The following KCNAB1 variants were observed in gnomAD, a reference collection of about 807,000 sequenced individuals.
KCNAB1 encodes potassium voltage-gated channel subfamily A regulatory beta subunit 1, also known as voltage-gated potassium channel subunit beta-1.
In KCNAB1, 35 loss-of-function variants were observed where a neutral mutation model predicts 64.6. That is an observed-to-expected ratio of 0.54 (90% confidence interval 0.41 to 0.72). KCNAB1 has a LOEUF of 0.72. Among genes scored for constraint, KCNAB1 ranks in the 30% least tolerant of loss-of-function variants. KCNAB1 has a pLI of 0.00. For missense variants in KCNAB1, 401 were observed against 512.9 expected, an observed-to-expected ratio of 0.78 and a Z score of 2.11; for synonymous variants, 177 against 183.8, an observed-to-expected ratio of 0.96 and a Z score of 0.30.
At chr3:156,430,397 C>T (rs984705802) in intron 2 of KCNAB1, among the ~76,000 whole-genome samples, 1 of 152,190 alleles carries the variant, frequency 6.6e-6, no homozygotes, top group Non-Finnish European at 1.5e-5. Flanking sequence ...GGATAAGTAG[C>T]CCTCATTTGC....
chr3:156,271,613 G>T (rs368837202), intron 1 of KCNAB1, among the ~76,000 whole-genome samples: 1 of 152,042 alleles, frequency 6.6e-6, no homozygotes, highest in Non-Finnish European at 1.5e-5. Flanking sequence ...CTTGAGTTTC[G>T]TTGAGTTTCC....
intron 1 of KCNAB1, among the ~76,000 whole-genome samples, chr3:156,200,239 C>G (rs1714236943): frequency 6.6e-6 from 1 of 152,178 alleles, no homozygotes; most frequent in Non-Finnish European, 1.5e-5. Context: ...CCAGAGCTCT[C>G]CTGTATGAGG....
chr3:156,124,875 C>T (rs953788871), intron 1 of KCNAB1, among the ~76,000 whole-genome samples: 4 of 152,092 alleles, frequency 2.6e-5, no homozygotes, highest in African/African-American at 4.8e-5. Context: ...CATGGTGGCT[C>T]ATGCCTGTAA....
intron 1 of KCNAB1, among the ~76,000 whole-genome samples, chr3:156,187,391 A>C (rs780264639): frequency 6.6e-6 from 1 of 152,174 alleles, no homozygotes. Context: ...TCATTTTTAC[A>C]TATCTGTGAA....
In KCNAB1 at chr3:156,470,506, T is replaced by C. The variant is rs538361485; in HGVS notation, c.572-4228T>C. On this transcript the variant is annotated intron_variant, in intron 7 of 13. Coordinates refer to ENST00000490337, the MANE Select transcript of KCNAB1 (RefSeq NM_172160.3). ...CCCTTGTCTCTACAGAAAAAGTTAA[T>C]TAATTAAGTTAAAATAAAATACATT... Among the ~76,000 whole-genome samples, 246 of 152,298 alleles carry C rather than the reference T, an allele frequency of 1.6e-3. 1 individual carries two copies. The highest frequency in any genetic ancestry group is 2.6e-3 in the Non-Finnish European group (177 of 68,028).
chr3:156,274,196 A>G (rs1719199426), intron 1 of KCNAB1, among the ~76,000 whole-genome samples: 2 of 122,046 alleles, frequency 1.6e-5, no homozygotes, highest in South Asian at 5.3e-4. Flanking sequence ...ACACACATGA[A>G]CAACAACAAT....
chr3:156,404,578 C>T (rs1714118534), intron 1 of KCNAB1, among the ~76,000 whole-genome samples: 1 of 152,124 alleles, frequency 6.6e-6, no homozygotes, highest in Non-Finnish European at 1.5e-5. Context: ...CTCACAAGTA[C>T]TTTTTGTCAG....
intron 1 of KCNAB1, among the ~76,000 whole-genome samples, chr3:156,299,172 C>T (rs1720991176): frequency 6.6e-6 from 1 of 152,248 alleles, no homozygotes; most frequent in African/African-American, 2.4e-5. Flanking sequence ...TTCCACATTG[C>T]AGCTTCTTGG....
At chr3:156,274,194 GAAC>G (rs150995474) in intron 1 of KCNAB1, among the ~76,000 whole-genome samples, 16,088 of 152,120 alleles carry the variant, frequency 0.11, 1,043 homozygotes, top group Non-Finnish European at 0.14. Context: ...CTACACACAT[GAAC>G]AACAACAATA....
At chr3:156,453,715 T>C (rs1712179034) in intron 3 of KCNAB1, among the ~76,000 whole-genome samples, 1 of 152,218 alleles carries the variant, frequency 6.6e-6, no homozygotes. Context: ...GGCAATGCCC[T>C]GAGTCCCTCT....
chr3:156,147,586 A>C (rs1446001428), intron 1 of KCNAB1, among the ~76,000 whole-genome samples: 4 of 152,144 alleles, frequency 2.6e-5, no homozygotes, highest in Non-Finnish European at 5.9e-5. Context: ...AGGTTCATGG[A>C]ATGAAGCAAT....
At chr3:156,362,841 A>G (rs1470761911) in intron 1 of KCNAB1, among the ~76,000 whole-genome samples, 10 of 152,242 alleles carry the variant, frequency 6.6e-5, no homozygotes, top group African/African-American at 2.4e-4. Flanking sequence ...TATCTAAAGT[A>G]TGGTCTTCTA....
chr3:156,265,661 G>T (rs572054775), intron 1 of KCNAB1, among the ~76,000 whole-genome samples: 1 of 152,268 alleles, frequency 6.6e-6, no homozygotes, highest in African/African-American at 2.4e-5. Context: ...ATAGTTAATT[G>T]GATGGTAGAT....
At chr3:156,247,325 A>C (rs757479227) in intron 1 of KCNAB1, among the ~76,000 whole-genome samples, 3 of 152,238 alleles carry the variant, frequency 2.0e-5, no homozygotes, top group Non-Finnish European at 4.4e-5. Flanking sequence ...GCAGCATTCT[A>C]CTGGACAAAA....
At chr3:156,304,344 C>T (rs1721346312) in intron 1 of KCNAB1, among the ~76,000 whole-genome samples, 2 of 152,094 alleles carry the variant, frequency 1.3e-5, no homozygotes, top group Admixed American at 1.3e-4. Flanking sequence ...ATTATTTTAT[C>T]CTTGAGAAAA....
chr3:156,396,367 T>A (rs1056908103), intron 1 of KCNAB1, among the ~76,000 whole-genome samples: 22 of 152,312 alleles, frequency 1.4e-4, no homozygotes, highest in Non-Finnish European at 2.6e-4. Flanking sequence ...AAAGTTAAAA[T>A]GCAAAATATT....
At chr3:156,365,116 A>C (rs1353786457) in intron 1 of KCNAB1, among the ~76,000 whole-genome samples, 3 of 152,202 alleles carry the variant, frequency 2.0e-5, no homozygotes, top group African/African-American at 7.2e-5. Flanking sequence ...TTTGTGCCAG[A>C]GACAGAACAG....
chr3:156,443,768 AC>A (rs1717184940), intron 2 of KCNAB1, among the ~76,000 whole-genome samples: 6 of 149,048 alleles, frequency 4.0e-5, no homozygotes, highest in African/African-American at 1.5e-4. Flanking sequence ...ACACACACAC[AC>A]ACACACACAC....
chr3:156,444,850 T>G (rs1173961449), intron 2 of KCNAB1, among the ~76,000 whole-genome samples: 1 of 152,224 alleles, frequency 6.6e-6, no homozygotes. Flanking sequence ...CATCCCGTGA[T>G]TGCCAGGGTG....
Sources: gnomAD v4.1 joint callset for allele counts (sites outside exome capture counted in the v4.1 genomes callset) on GRCh38, gnomAD v4.1.1 for gene constraint, MANE v1.5 for transcripts, NCBI Gene and HGNC (gene_info 2026-07-23, HGNC 2026-07-21) for gene names.